LAMP3: variants seen among roughly 807,000 people sequenced by gnomAD.
LAMP3 encodes the protein lysosome associated membrane protein 3.
A neutral mutation model predicts 34.8 loss-of-function variants in LAMP3; 26 were observed. The observed-to-expected ratio is 0.75, with a 90% CI of 0.55 to 1.04. The LOEUF (loss-of-function observed/expected upper bound fraction) is 1.04. Ranked by LOEUF, LAMP3 falls within the 50% of genes least tolerant of loss-of-function variation. The pLI is 0.00. For synonymous variants in LAMP3, 180 were observed against 201.9 expected (o/e 0.89, Z 0.92); for missense variants, 495 against 524.0 (o/e 0.94, Z 0.54).
Position 183,150,946 on chromosome 3 carries a change from T to C in LAMP3, c.888+1429A>G, listed in dbSNP as rs544966206. On this transcript the variant is annotated intron_variant, in intron 3 of 5. Transcript: ENST00000265598. ...TGTGTGACGGTTGACATATGAAGGA[T>C]TGTGTCTTTCCCACTTGGTCCCAAA... Among the ~76,000 whole-genome samples the C allele has an allele frequency of 3.9e-5, 6 of 152,290 alleles. No homozygotes were observed. In the South Asian group the frequency reaches 1.2e-3, roughly 32 times the overall value.
intron 3 of LAMP3, among the ~76,000 whole-genome samples, chr3:183,147,351 G>A (rs1170189655): frequency 1.3e-5 from 2 of 152,094 alleles, no homozygotes; most frequent in African/African-American, 2.4e-5. Context: ...ATAATCCCCG[G>A]GGCTAGACAC....
chr3:183,144,919 GC>G (rs1406940845), intron 3 of LAMP3, among the ~76,000 whole-genome samples: 1 of 152,060 alleles, frequency 6.6e-6, no homozygotes, highest in African/African-American at 2.4e-5. Context: ...AACAAAAAAA[GC>G]TCTGGGGAAA....
At chr3:183,160,056 G>A (rs773398260) in intron 1 of LAMP3, among the ~76,000 whole-genome samples, 22 of 152,206 alleles carry the variant, frequency 1.4e-4, no homozygotes, top group Admixed American at 3.3e-4. Context: ...CACTAGAACT[G>A]ACCTGAATTT....
At chr3:183,161,997 G>A in intron 1 of LAMP3, 1 of 985,072 alleles carries the variant, frequency 1.0e-6, no homozygotes, top group Non-Finnish European at 1.2e-6. Context: ...TTAGCCGGGC[G>A]GTAGGGACGG....
At chr3:183,157,117 A>G (rs186721045) in intron 1 of LAMP3, among the ~76,000 whole-genome samples, 86 of 152,368 alleles carry the variant, frequency 5.6e-4, no homozygotes, top group Admixed American at 1.7e-3. Flanking sequence ...ATTTCTGTAC[A>G]GCTGGTTTGC....
chr3:183,140,998 C>T (rs56182312), intron 3 of LAMP3, among the ~76,000 whole-genome samples: 12,820 of 152,214 alleles, frequency 0.084, 1,847 homozygotes, highest in African/African-American at 0.29. Flanking sequence ...TATCCTGAGA[C>T]CACTCATCCT....
intron 3 of LAMP3, among the ~76,000 whole-genome samples, chr3:183,149,610 TACACACAC>T (rs568430015): frequency 7.9e-6 from 1 of 127,170 alleles, no homozygotes; most frequent in Non-Finnish European, 1.6e-5. Context: ...TATATATGTA[TACACACAC>T]ACACACACAC....
At chr3:183,129,776 A>G (rs1005958555) in intron 5 of LAMP3, among the ~76,000 whole-genome samples, 23 of 152,274 alleles carry the variant, frequency 1.5e-4, no homozygotes, top group African/African-American at 5.3e-4. Context: ...TATGGACTAA[A>G]TTGTATCCCC....
intron 5 of LAMP3, among the ~76,000 whole-genome samples, chr3:183,130,841 C>CT (rs948577699): frequency 4.0e-4 from 60 of 150,350 alleles, no homozygotes; most frequent in African/African-American, 1.3e-3. Flanking sequence ...GCAACCCACT[C>CT]TTTTTTTTTT....
intron 1 of LAMP3, among the ~76,000 whole-genome samples, chr3:183,160,527 C>T (rs964401048): frequency 5.9e-5 from 9 of 152,164 alleles, no homozygotes; most frequent in Non-Finnish European, 1.3e-4. Context: ...CTGTGCCCAG[C>T]CAAGGCCAGA....
intron 4 of LAMP3, among the ~76,000 whole-genome samples, chr3:183,136,620 C>T (rs1387513741): frequency 6.8e-6 from 1 of 148,076 alleles, no homozygotes; most frequent in Non-Finnish European, 1.5e-5. Context: ...CATTGCACTC[C>T]AGCCTGGGCA....
At chr3:183,143,341 G>C (rs944807376) in intron 3 of LAMP3, among the ~76,000 whole-genome samples, 3 of 152,146 alleles carry the variant, frequency 2.0e-5, no homozygotes, top group Non-Finnish European at 4.4e-5. Flanking sequence ...TTGAACTCCT[G>C]ACCTCAAGAG....
intron 2 of LAMP3, 51 bp from the exon 3 acceptor site, chr3:183,152,554 G>GC (rs1720674521): frequency 6.5e-7 from 1 of 1,534,260 alleles, no homozygotes; most frequent in Admixed American, 2.0e-5. Flanking sequence ...GAAAACTCTA[G>GC]CTAGGGAACC....
At chr3:183,149,260 G>A (rs1720537714) in intron 3 of LAMP3, among the ~76,000 whole-genome samples, 1 of 151,854 alleles carries the variant, frequency 6.6e-6, no homozygotes, top group African/African-American at 2.4e-5. Flanking sequence ...AGACAGAATG[G>A]GCTGGGCACG....
rs1392899561 is a variant in LAMP3 at position 183,122,780 on chromosome 3, T to C, written c.*1301A>G. 2 of 152,236 alleles carry C rather than the reference T, an allele frequency of 1.3e-5. No individual in the cohort carries two copies. Among genetic ancestry groups the C allele is most frequent in the African/African-American group, 4.8e-5 (2 of 41,458 alleles). 9.4% of individuals were successfully genotyped at this position (152,236 alleles called of 1,614,324 possible). ...TCCTTTCATCTACCCTAATGTCTCA[T>C]GATCCTGGATAAACCCATTTCCCTG... On this transcript the variant is annotated 3_prime_UTR_variant, in exon 6 of 6. Transcript: ENST00000265598.
chr3:183,137,986 CT>C (rs1451662629), intron 4 of LAMP3, among the ~76,000 whole-genome samples: 5 of 151,678 alleles, frequency 3.3e-5, no homozygotes, highest in African/African-American at 7.3e-5. Context: ...TGCTGGGCTA[CT>C]TTTTTTTATA....
chr3:183,137,657 C>T (rs151052508), intron 4 of LAMP3, among the ~76,000 whole-genome samples: 75 of 152,214 alleles, frequency 4.9e-4, no homozygotes, highest in Non-Finnish European at 7.4e-4. Context: ...CTGTCACTAC[C>T]GTAATTACAA....
In LAMP3 at chr3:183,146,381, C is replaced by T. The variant is rs139673166; in HGVS notation, c.889-5786G>A. Among the ~76,000 whole-genome samples the T allele has an allele frequency of 3.4e-3, 522 of 152,302 alleles. 5 individuals are homozygous for T. The highest frequency in any genetic ancestry group is 0.012 in the African/African-American group (494 of 41,560). ...ACTGACTGAATGGTTGAGTCCATTT[C>T]TCTTTTGGAAAAATCTAGAAGGCTT... On this transcript the variant is annotated intron_variant, in intron 3 of 5. Coordinates refer to ENST00000265598, the MANE Select transcript of LAMP3 (RefSeq NM_014398.4).
At position 183,123,944 on chromosome 3, in the gene LAMP3, C is replaced by T; in HGVS notation, c.*137G>A. 1 of 845,956 alleles carries T rather than the reference C, an allele frequency of 1.2e-6. No individual in the cohort carries two copies. Among genetic ancestry groups the T allele is most frequent in the South Asian group, 1.7e-5 (1 of 58,386 alleles). 52.4% of individuals were successfully genotyped at this position (845,956 alleles called of 1,614,324 possible). A position where few individuals can be genotyped will look rare whatever the true frequency, so the allele number is the denominator to read the frequency against. On this transcript the variant is annotated 3_prime_UTR_variant, in exon 6 of 6. Coordinates refer to ENST00000265598, the MANE Select transcript of LAMP3 (RefSeq NM_014398.4). ...CTGCCTGAACTTAAATCACACATGACTCACTTCATTTGAATAGAAGATGGT... is the reference window on the plus strand; with the variant it reads ...CTGCCTGAACTTAAATCACACATGATTCACTTCATTTGAATAGAAGATGGT...
Sources: gnomAD v4.1 joint callset for allele counts (sites outside exome capture counted in the v4.1 genomes callset) on GRCh38, gnomAD v4.1.1 for gene constraint, MANE v1.5 for transcripts, NCBI Gene and HGNC (gene_info 2026-07-23, HGNC 2026-07-21) for gene names.